Variants in LINGO2 observed in about 807,000 individuals in gnomAD.
LINGO2 encodes the protein leucine rich repeat and Ig domain containing 2.
A neutral mutation model predicts 30.6 loss-of-function variants in LINGO2; 14 were observed. The ratio of observed to expected loss-of-function variants is 0.46; its 90% CI spans 0.30 to 0.72. LINGO2 has a LOEUF of 0.72. Among genes scored for constraint, LINGO2 ranks in the 30% least tolerant of loss-of-function variants. The pLI is 0.07. For missense variants in LINGO2, 729 were observed against 751.7 expected, an observed-to-expected ratio of 0.97 and a Z score of 0.35; for synonymous variants, 317 against 288.5, an observed-to-expected ratio of 1.10 and a Z score of -1.00.
the LINGO2 span, among the ~76,000 whole-genome samples, chr9:28,914,196 T>C: frequency 3.3e-5 from 5 of 152,142 alleles, no homozygotes; most frequent in African/African-American, 4.8e-5. Flanking sequence ...CTAAATACAT[T>C]TGTGTATACA....
At chr9:28,032,633 C>CAA (rs1823737803) in intron 4 of LINGO2, among the ~76,000 whole-genome samples, 1 of 152,176 alleles carries the variant, frequency 6.6e-6, no homozygotes, top group African/African-American at 2.4e-5. Flanking sequence ...CACTGAGACC[C>CAA]AAAATGTTCA....
chr9:28,122,381 A>G (rs1827121050), intron 4 of LINGO2, among the ~76,000 whole-genome samples: 1 of 152,234 alleles, frequency 6.6e-6, no homozygotes, highest in East Asian at 1.9e-4. Flanking sequence ...GAAAATAACA[A>G]GTGCTTAGGG....
the LINGO2 span, among the ~76,000 whole-genome samples, chr9:28,978,909 T>C: frequency 4.6e-5 from 7 of 152,270 alleles, no homozygotes; most frequent in Admixed American, 2.6e-4. Context: ...TCTGTAAAAG[T>C]ATATAGTCAT....
At chr9:28,424,897 C>A (rs1370582052) in intron 2 of LINGO2, among the ~76,000 whole-genome samples, 1 of 152,038 alleles carries the variant, frequency 6.6e-6, no homozygotes, top group African/African-American at 2.4e-5. Context: ...TTCAACCATA[C>A]AGTGGTTCAT....
the LINGO2 span, among the ~76,000 whole-genome samples, chr9:28,719,917 A>G: frequency 2.0e-5 from 3 of 151,958 alleles, no homozygotes; most frequent in African/African-American, 7.3e-5. Context: ...TAATTTTTAA[A>G]TTTTTCTACT....
intron 3 of LINGO2, among the ~76,000 whole-genome samples, chr9:28,340,586 T>G (rs895352435): frequency 1.3e-5 from 2 of 152,102 alleles, no homozygotes; most frequent in Non-Finnish European, 2.9e-5. Flanking sequence ...TTTACCATAT[T>G]CTTTACAAAT....
At chr9:28,579,911 G>A (rs937216479) in intron 1 of LINGO2, among the ~76,000 whole-genome samples, 5 of 152,100 alleles carry the variant, frequency 3.3e-5, no homozygotes, top group South Asian at 2.1e-4. Context: ...AGGGAAGCAC[G>A]AGAGCACATT....
chr9:29,110,752 G>T, the LINGO2 span, among the ~76,000 whole-genome samples: 2 of 144,120 alleles, frequency 1.4e-5, no homozygotes, highest in African/African-American at 2.6e-5. Context: ...GTGCAGTGGT[G>T]CGATCTCGGC....
At chr9:29,158,194 C>CA in the LINGO2 span, among the ~76,000 whole-genome samples, 22,644 of 133,970 alleles carry the variant, frequency 0.17, 2,040 homozygotes, top group Non-Finnish European at 0.21. Flanking sequence ...TAAAAAAAAA[C>CA]AAAAAAAAAA....
chr9:28,838,210 T>G, the LINGO2 span, among the ~76,000 whole-genome samples: 3 of 152,102 alleles, frequency 2.0e-5, no homozygotes, highest in Non-Finnish European at 4.4e-5. Flanking sequence ...ATAGATAAAA[T>G]GCAGAAGCAG....
At chr9:28,404,248 T>C (rs1822398998) in intron 2 of LINGO2, among the ~76,000 whole-genome samples, 1 of 152,176 alleles carries the variant, frequency 6.6e-6, no homozygotes, top group African/African-American at 2.4e-5. Flanking sequence ...TCATTGCTTA[T>C]TTCTGTACTT....
chr9:28,850,958 G>A, the LINGO2 span, among the ~76,000 whole-genome samples: 478 of 152,038 alleles, frequency 3.1e-3, 4 homozygotes, highest in African/African-American at 0.011. Flanking sequence ...ACTAAATGGC[G>A]TATATGTGTT....
intron 2 of LINGO2, among the ~76,000 whole-genome samples, chr9:28,460,870 A>G (rs1353270772): frequency 6.6e-6 from 1 of 152,040 alleles, no homozygotes; most frequent in Non-Finnish European, 1.5e-5. Context: ...AGTGAGCAAG[A>G]ACTCAACTTC....
At chr9:28,966,188 T>C in the LINGO2 span, among the ~76,000 whole-genome samples, 1 of 152,088 alleles carries the variant, frequency 6.6e-6, no homozygotes, top group Non-Finnish European at 1.5e-5. Flanking sequence ...TCCTGAGAAA[T>C]TAAGAGGCTG....
chr9:28,475,706 G>A (rs1825704746), intron 2 of LINGO2, among the ~76,000 whole-genome samples: 1 of 152,020 alleles, frequency 6.6e-6, no homozygotes, highest in Non-Finnish European at 1.5e-5. Context: ...TTCAAACAAC[G>A]TCAGCAACTT....
intron 4 of LINGO2, among the ~76,000 whole-genome samples, chr9:28,169,871 C>T (rs1828533234): frequency 6.6e-6 from 1 of 152,190 alleles, no homozygotes; most frequent in South Asian, 2.1e-4. Context: ...CAAATATCTG[C>T]AATCTAGCTC....
At chr9:28,365,382 A>G (rs928886241) in intron 3 of LINGO2, among the ~76,000 whole-genome samples, 1 of 152,180 alleles carries the variant, frequency 6.6e-6, no homozygotes, top group East Asian at 1.9e-4. Flanking sequence ...TTGGGTAACC[A>G]ATAGAAATAT....
chr9:28,992,318 A>C, the LINGO2 span, among the ~76,000 whole-genome samples: 2 of 152,188 alleles, frequency 1.3e-5, no homozygotes, highest in South Asian at 4.1e-4. Context: ...AGAGCTAACT[A>C]TCCTAAATAT....
chr9:28,794,325 A>T, the LINGO2 span, among the ~76,000 whole-genome samples: 12 of 152,038 alleles, frequency 7.9e-5, no homozygotes, highest in Non-Finnish European at 1.8e-4. Context: ...AAACAAAACC[A>T]AAACACACAC....
Sources: allele counts gnomAD v4.1 joint callset (sites outside exome capture counted in the v4.1 genomes callset), GRCh38; gene constraint gnomAD v4.1.1; transcripts MANE v1.5; gene names NCBI Gene and HGNC (gene_info 2026-07-23, HGNC 2026-07-21).